The following SYNPO2 variants were observed in gnomAD, a reference collection of about 807,000 sequenced individuals.
The protein encoded by SYNPO2 is synaptopodin 2, also known as synaptopodin-2.
Under a neutral mutation model 85.0 loss-of-function variants are expected in SYNPO2, and 56 were observed. That is an observed-to-expected ratio of 0.66 (90% CI 0.53 to 0.82). The LOEUF is 0.82. Among genes scored for constraint, SYNPO2 ranks in the 40% least tolerant of loss-of-function variants. The pLI is 0.00. For missense variants in SYNPO2, 1,575 were observed against 1,534.2 expected, an observed-to-expected ratio of 1.03 and a Z score of -0.44; for synonymous variants, 602 against 591.1, an observed-to-expected ratio of 1.02 and a Z score of -0.27.
intron 4 of SYNPO2, chr4:119,042,677 T>C (rs1263953572): frequency 6.6e-6 from 1 of 152,242 alleles, no homozygotes; most frequent in Non-Finnish European, 1.5e-5. Flanking sequence ...TTGTTTAACT[T>C]TAACATTAAT....
rs961310432 is a variant in SYNPO2, at chr4:119,030,883, A to G, written c.2108A>G (p.Lys703Arg). The change falls in exon 4 of 5, where the codon AAA becomes AGA. Residue 703 changes from lysine to arginine, a missense_variant. Transcript: ENST00000307142. Reference sequence around the variant, plus strand: ...CCCATGTTTACTTTTAAAGAGCCCAAAGTAAGCCCAAATCCTGAACTCTTG... The same window carrying G: ...CCCATGTTTACTTTTAAAGAGCCCAGAGTAAGCCCAAATCCTGAACTCTTG... ...TKPMFTFKEP[K>R]VSPNPELLSL... 6.2e-6 allele frequency: 10 copies of G among 1,614,042 alleles called. No individual in the cohort carries two copies. In the Admixed American group the frequency reaches 8.3e-5, roughly 13 times the overall value.
At chr4:118,977,402 C>A (rs12500593) in intron 1 of SYNPO2, among the ~76,000 whole-genome samples, 1 of 152,086 alleles carries the variant, frequency 6.6e-6, no homozygotes, top group African/African-American at 2.4e-5. Context: ...AAGCGCGGCA[C>A]GCAGCCCCGG....
intron 4 of SYNPO2, among the ~76,000 whole-genome samples, chr4:119,046,838 G>A (rs929406777): frequency 2.0e-5 from 3 of 152,288 alleles, no homozygotes; most frequent in Middle Eastern, 6.8e-3. Flanking sequence ...GGCCTCCATT[G>A]TCATTTACAA....
rs75122904 is a variant in SYNPO2, at chr4:118,985,596, G to A, written c.106-37834G>A. 5.2e-3 allele frequency among the ~76,000 whole-genome samples: 794 copies of A among 152,346 alleles called. 14 individuals are homozygous for A. The highest frequency in any genetic ancestry group is 0.045 in the East Asian group (231 of 5,186). ...CCACTGACATATTAATAGAGTTAAT[G>A]TCAAAAGCCTTGTCATCCAACTGGG... is the stretch of plus-strand genomic sequence containing the variant. On this transcript the variant is annotated intron_variant, in intron 1 of 4. Transcript: ENST00000307142.
intron 4 of SYNPO2, chr4:119,033,459 A>G (rs919321864): frequency 3.0e-6 from 3 of 985,314 alleles, no homozygotes; most frequent in Non-Finnish European, 2.4e-6. Flanking sequence ...GACCTTTCTC[A>G]GATCTATTTT....
intron 4 of SYNPO2, chr4:119,032,541 C>A: frequency 1.0e-6 from 1 of 1,000,888 alleles, no homozygotes; most frequent in Non-Finnish European, 1.2e-6. Context: ...CAGGGAGCAG[C>A]TCTGGTCTGT....
rs757236549 is a variant in SYNPO2 at position 119,046,437 on chromosome 4, CG to C, written c.3253-10960del. 1.6e-4 allele frequency among the ~76,000 whole-genome samples: 25 copies of C among 152,200 alleles called. 1 individual carries two copies. Among genetic ancestry groups the C allele is most frequent in the Non-Finnish European group, 2.8e-4 (19 of 68,042 alleles). On this transcript the variant is annotated intron_variant, in intron 4 of 4. Coordinates refer to ENST00000307142, the MANE Select transcript of SYNPO2 (RefSeq NM_133477.3). ...TGCATTCTGATGACAGGAGGGCAGC[CG>C]GGGTTGGCACAGCAGCCTCGGAGGC...
intron 1 of SYNPO2, among the ~76,000 whole-genome samples, chr4:119,004,447 A>G (rs1736944443): frequency 6.8e-6 from 1 of 146,330 alleles, no homozygotes; most frequent in Admixed American, 6.9e-5. Context: ...TCATTGTTCA[A>G]TTCCCACCTA....
chr4:118,952,399 A>T (rs1734732589), intron 1 of SYNPO2, among the ~76,000 whole-genome samples: 1 of 151,858 alleles, frequency 6.6e-6, no homozygotes, highest in Admixed American at 6.6e-5. Context: ...TTATTATTAT[A>T]CTTTAAGTTT....
chr4:118,871,791 G>A (rs752589399), intron 1 of SYNPO2, among the ~76,000 whole-genome samples: 9 of 152,050 alleles, frequency 5.9e-5, no homozygotes, highest in East Asian at 1.9e-4. Context: ...GGATGATCTC[G>A]ATCTCCTGAC....
chr4:118,882,808 C>T (rs1310525692), intron 1 of SYNPO2, among the ~76,000 whole-genome samples: 5 of 150,566 alleles, frequency 3.3e-5, no homozygotes, highest in East Asian at 1.9e-4. Context: ...CTCGCTCTGT[C>T]GCCCAGGCTG....
chr4:118,850,847 A>G, exon 1 of SYNPO2: 2 of 398,624 alleles, frequency 5.0e-6, no homozygotes. Context: ...GAGAGATCCA[A>G]GGACAGAACT....
chr4:118,991,784 A>G (rs1736426278), intron 1 of SYNPO2, among the ~76,000 whole-genome samples: 1 of 152,198 alleles, frequency 6.6e-6, no homozygotes, highest in South Asian at 2.1e-4. Flanking sequence ...ATATCATCAA[A>G]GAATCAATGG....
intron 1 of SYNPO2, among the ~76,000 whole-genome samples, chr4:118,994,802 T>C (rs1736529842): frequency 6.6e-6 from 1 of 152,202 alleles, no homozygotes; most frequent in Admixed American, 6.5e-5. Context: ...TGTTTCTAGT[T>C]TTTGGGTATT....
chr4:118,971,120 A>G (rs1261370055), intron 1 of SYNPO2, among the ~76,000 whole-genome samples: 1 of 152,156 alleles, frequency 6.6e-6, no homozygotes, highest in Admixed American at 6.5e-5. Flanking sequence ...TTAAAATGCA[A>G]TATGTTATTC....
At chr4:118,991,643 C>T (rs1271092185) in intron 1 of SYNPO2, among the ~76,000 whole-genome samples, 1 of 152,046 alleles carries the variant, frequency 6.6e-6, no homozygotes, top group Non-Finnish European at 1.5e-5. Context: ...TATATGTTGC[C>T]TATTGAAGCT....
chr4:118,892,696 T>G (rs1732416142), intron 1 of SYNPO2, among the ~76,000 whole-genome samples: 1 of 152,172 alleles, frequency 6.6e-6, no homozygotes, highest in South Asian at 2.1e-4. Context: ...AGACTGTTTA[T>G]CCTTTATATG....
At chr4:118,922,751 A>G (rs971183350) in intron 1 of SYNPO2, among the ~76,000 whole-genome samples, 3 of 151,616 alleles carry the variant, frequency 2.0e-5, no homozygotes, top group Admixed American at 6.6e-5. Context: ...GGCTTTTATT[A>G]TAATGGGATA....
In SYNPO2 at chr4:119,052,005, C is replaced by CT. The variant is rs528758309; in HGVS notation, c.3253-5391dup. ...GTGGGTGGCGTGGAGGGGGTTTCACCTTTTTACCTCAAGCTGTGTGCAAGA... is the reference window on the plus strand; with the variant it reads ...GTGGGTGGCGTGGAGGGGGTTTCACCTTTTTTACCTCAAGCTGTGTGCAAGA... On this transcript the variant is annotated intron_variant, in intron 4 of 4. Transcript: ENST00000307142. Among the ~76,000 whole-genome samples, 5 of 152,192 alleles carry CT rather than the reference C, an allele frequency of 3.3e-5. No homozygotes were observed. The East Asian group carries it at 9.7e-4, about 29-fold the overall frequency.
Sources: gnomAD v4.1 joint callset for allele counts (sites outside exome capture counted in the v4.1 genomes callset) on GRCh38, gnomAD v4.1.1 for gene constraint, MANE v1.5 for transcripts, NCBI Gene and HGNC (gene_info 2026-07-23, HGNC 2026-07-21) for gene names.